Variants in PSMA1 observed in about 807,000 individuals in gnomAD.
The protein encoded by PSMA1 is proteasome subunit alpha type-1.
Under a neutral mutation model 38.4 loss-of-function variants are expected in PSMA1, and 3 were observed. The observed-to-expected ratio is 0.08, with a 90% CI of 0.04 to 0.20. The LOEUF (loss-of-function observed/expected upper bound fraction) is 0.20, where lower values mean the gene tolerates loss of function less well. Ranked by LOEUF, PSMA1 falls within the 10% of genes least tolerant of loss-of-function variation. The probability of loss-of-function intolerance (pLI) is 1.00; values close to 1 mark genes in which losing one functional copy is unlikely to be tolerated. For missense variants in PSMA1, 227 were observed against 325.3 expected, an observed-to-expected ratio of 0.70 and a Z score of 2.32; for synonymous variants, 101 against 107.1, an observed-to-expected ratio of 0.94 and a Z score of 0.35.
At chr11:14,620,421 G>C (rs989029541) in intron 1 of PSMA1, among the ~76,000 whole-genome samples, 1 of 152,128 alleles carries the variant, frequency 6.6e-6, no homozygotes, top group African/African-American at 2.4e-5. Flanking sequence ...CCATGCCCTG[G>C]CCCATAGCCC....
At chr11:14,533,486 A>T (rs1408053496) in intron 2 of PSMA1, among the ~76,000 whole-genome samples, 1 of 152,156 alleles carries the variant, frequency 6.6e-6, no homozygotes, top group African/African-American at 2.4e-5. Context: ...AGGTTTTGCC[A>T]CTATCTGGGC....
rs1853128102 is a variant in PSMA1 at position 14,637,753 on chromosome 11, TAGAAC to T, written c.-166+5697_-166+5701del. Among the ~76,000 whole-genome samples, 5 of 152,328 alleles carry T rather than the reference TAGAAC, an allele frequency of 3.3e-5. No homozygotes were observed. The South Asian group carries it at 1.0e-3, about 32-fold the overall frequency. On this transcript the variant is annotated intron_variant, in intron 1 of 10. Transcript: ENST00000418988. ...AAAACATTTCTGCATTTATAGTAAT[TAGAAC>T]AGAGGCATTAACATCCCTGTAGCAT... is the stretch of plus-strand genomic sequence containing the variant.
chr11:14,632,966 G>A (rs1204090351), intron 1 of PSMA1, among the ~76,000 whole-genome samples: 115 of 145,486 alleles, frequency 7.9e-4, no homozygotes, highest in Admixed American at 1.5e-3. Context: ...CGTAGTTCTC[G>A]AGCCTTGGTT....
upstream of PSMA1, among the ~76,000 whole-genome samples, chr11:14,521,765 CA>C (rs367961519): frequency 4.6e-4 from 50 of 107,952 alleles, 1 homozygote; most frequent in East Asian, 8.3e-3. Flanking sequence ...GACTCCATCT[CA>C]AAAAAAAAAA....
intron 2 of PSMA1, among the ~76,000 whole-genome samples, chr11:14,581,695 T>C (rs1457600244): frequency 6.6e-6 from 1 of 150,502 alleles, no homozygotes; most frequent in Non-Finnish European, 1.5e-5. Flanking sequence ...AAAAAAGAGG[T>C]TTTTATTGAT....
chr11:14,526,327 C>A (rs1159612763), intron 2 of PSMA1, among the ~76,000 whole-genome samples: 1 of 152,150 alleles, frequency 6.6e-6, no homozygotes, highest in East Asian at 1.9e-4. Context: ...CACTAGCTCT[C>A]CCTGACTCAT....
At chr11:14,611,036 T>C in exon 2 of PSMA1, 1 of 1,577,100 alleles carries the variant, frequency 6.3e-7, no homozygotes. Context: ...AACATAGGTC[T>C]GGATTTGACT....
chr11:14,509,320 C>A (rs2597219), intron 8 of PSMA1, among the ~76,000 whole-genome samples: 1 of 151,886 alleles, frequency 6.6e-6, no homozygotes, highest in Non-Finnish European at 1.5e-5. Flanking sequence ...TATAACAAAT[C>A]TATTAGCAAA....
intron 2 of PSMA1, among the ~76,000 whole-genome samples, chr11:14,543,172 T>A (rs1851791516): frequency 6.6e-6 from 1 of 152,176 alleles, no homozygotes; most frequent in South Asian, 2.1e-4. Flanking sequence ...TACATGAGGC[T>A]GGACCTTTCC....
intron 2 of PSMA1, among the ~76,000 whole-genome samples, chr11:14,558,835 G>C (rs986550975): frequency 6.6e-6 from 1 of 152,214 alleles, no homozygotes; most frequent in Non-Finnish European, 1.5e-5. Context: ...CTACTGGTTA[G>C]GAACATTCCA....
chr11:14,513,412 T>C, intron 7 of PSMA1, 158 bp downstream of exon 7: 2 of 791,020 alleles, frequency 2.5e-6, no homozygotes, highest in Non-Finnish European at 1.7e-6. Flanking sequence ...GATTAGTATA[T>C]GTGACAGAAA....
At chr11:14,557,058 C>G (rs1012649152) in intron 2 of PSMA1, among the ~76,000 whole-genome samples, 3 of 152,140 alleles carry the variant, frequency 2.0e-5, no homozygotes, top group Non-Finnish European at 4.4e-5. Context: ...CAGTCTCAAA[C>G]TCCTGGCCTC....
chr11:14,632,048 G>T (rs1415165604), intron 1 of PSMA1, among the ~76,000 whole-genome samples: 3 of 139,510 alleles, frequency 2.2e-5, no homozygotes, highest in Non-Finnish European at 3.1e-5. Flanking sequence ...TTTATTTTGA[G>T]CCTATGTGTG....
At chr11:14,533,098 T>C (rs964809864) in intron 2 of PSMA1, among the ~76,000 whole-genome samples, 4 of 152,186 alleles carry the variant, frequency 2.6e-5, no homozygotes, top group Non-Finnish European at 5.9e-5. Flanking sequence ...ATTGTGTATA[T>C]GATTCTTATT....
chr11:14,599,536 T>C (rs922993271), intron 2 of PSMA1, among the ~76,000 whole-genome samples: 17 of 152,352 alleles, frequency 1.1e-4, no homozygotes, highest in Admixed American at 2.0e-4. Flanking sequence ...ACATTGGCTA[T>C]TGAAGCTTGT....
chr11:14,573,002 C>G (rs1852164899), intron 2 of PSMA1, among the ~76,000 whole-genome samples: 3 of 152,090 alleles, frequency 2.0e-5, no homozygotes, highest in African/African-American at 7.2e-5. Context: ...ATAACAGGAG[C>G]CGAAACTGAG....
At chr11:14,601,849 C>A (rs1279928316) in intron 2 of PSMA1, among the ~76,000 whole-genome samples, 3 of 152,182 alleles carry the variant, frequency 2.0e-5, no homozygotes, top group Non-Finnish European at 2.9e-5. Context: ...AATGAGAATT[C>A]TGTCAAGGTC....
At chr11:14,569,329 C>A (rs543285238) in intron 2 of PSMA1, among the ~76,000 whole-genome samples, 137 of 152,224 alleles carry the variant, frequency 9.0e-4, no homozygotes, top group African/African-American at 3.2e-3. Context: ...TCCGTATTTC[C>A]AACTGAGGTA....
intron 2 of PSMA1, among the ~76,000 whole-genome samples, chr11:14,601,757 C>T (rs1852582836): frequency 6.6e-6 from 1 of 152,010 alleles, no homozygotes; most frequent in Admixed American, 6.6e-5. Flanking sequence ...TTGTCCGAGG[C>T]CATATATCTA....
Sources: gnomAD v4.1 joint callset for allele counts (sites outside exome capture counted in the v4.1 genomes callset) on GRCh38, gnomAD v4.1.1 for gene constraint, MANE v1.5 for transcripts, NCBI Gene and HGNC (gene_info 2026-07-23, HGNC 2026-07-21) for gene names.